Variants in NFIB observed in about 807,000 individuals in gnomAD.
NFIB encodes nuclear factor 1 B-type.
A neutral mutation model predicts 61.5 loss-of-function variants in NFIB; 11 were observed. The observed-to-expected ratio is 0.18, with a 90% confidence interval of 0.11 to 0.30. The LOEUF is 0.30. NFIB is among the 10% of genes least tolerant of loss of function. The pLI is 1.00. For synonymous variants in NFIB, 260 were observed against 216.5 expected (o/e 1.20, Z -1.76); for missense variants, 471 against 608.9 (o/e 0.77, Z 2.38).
chr9:14,207,777 C>T (rs186828710), intron 2 of NFIB, among the ~76,000 whole-genome samples: 1 of 152,092 alleles, frequency 6.6e-6, no homozygotes, highest in Non-Finnish European at 1.5e-5. Flanking sequence ...CTGTACTTAA[C>T]CAGAGTTCAA....
chr9:14,419,455 C>G, the NFIB span, among the ~76,000 whole-genome samples: 1 of 152,306 alleles, frequency 6.6e-6, no homozygotes, highest in Admixed American at 6.5e-5. Flanking sequence ...GGGCCCACTT[C>G]ACCGGCATGT....
chr9:14,124,610 A>C (rs969881637), intron 7 of NFIB, among the ~76,000 whole-genome samples: 5 of 152,234 alleles, frequency 3.3e-5, no homozygotes, highest in Non-Finnish European at 5.9e-5. Context: ...AACCAATAAC[A>C]GTTTCACTAT....
chr9:14,271,022 C>A (rs751225820), intron 2 of NFIB, among the ~76,000 whole-genome samples: 1 of 151,988 alleles, frequency 6.6e-6, no homozygotes, highest in Non-Finnish European at 1.5e-5. Context: ...TCTCCTCCAC[C>A]CCCATCCCCA....
At chr9:14,234,666 C>T (rs1001053614) in intron 2 of NFIB, among the ~76,000 whole-genome samples, 12 of 151,574 alleles carry the variant, frequency 7.9e-5, no homozygotes, top group Admixed American at 7.9e-4. Context: ...TTGGTCTACT[C>T]TTTTTTTTAA....
At chr9:14,299,386 G>A (rs935532657) in intron 2 of NFIB, among the ~76,000 whole-genome samples, 1 of 152,150 alleles carries the variant, frequency 6.6e-6, no homozygotes, top group Non-Finnish European at 1.5e-5. Flanking sequence ...TATGAGAGAT[G>A]TGTACTTCAA....
At chr9:14,106,332 C>G (rs924225929) in intron 10 of NFIB, among the ~76,000 whole-genome samples, 2 of 151,934 alleles carry the variant, frequency 1.3e-5, no homozygotes, top group African/African-American at 4.8e-5. Flanking sequence ...TATGCACATA[C>G]CAATATGAAA....
At chr9:14,155,755 T>G in intron 4 of NFIB, 70 bp downstream of exon 4, 1 of 959,690 alleles carries the variant, frequency 1.0e-6, no homozygotes, top group South Asian at 1.7e-5. Flanking sequence ...TATACTACAT[T>G]TAAGGTTCAA....
chr9:14,207,552 C>T (rs527365077), intron 2 of NFIB, among the ~76,000 whole-genome samples: 5 of 152,186 alleles, frequency 3.3e-5, no homozygotes, highest in South Asian at 2.1e-4. Context: ...AGGGCCAGCT[C>T]GGCATGAGCA....
chr9:14,445,628 T>C, the NFIB span, among the ~76,000 whole-genome samples: 40 of 152,184 alleles, frequency 2.6e-4, no homozygotes, highest in Admixed American at 2.6e-3. Context: ...AATTTACAAG[T>C]TTTAATTTTC....
chr9:14,186,230 G>A (rs903646379), intron 2 of NFIB, among the ~76,000 whole-genome samples: 1 of 152,126 alleles, frequency 6.6e-6, no homozygotes. Context: ...AGGAGTAAAT[G>A]AAACCCACAA....
chr9:14,451,529 A>AAAAAC, the NFIB span, among the ~76,000 whole-genome samples: 4 of 152,344 alleles, frequency 2.6e-5, no homozygotes, highest in African/African-American at 9.6e-5. Flanking sequence ...AAGCACTTAA[A>AAAAAC]AAAACAAAAC....
chr9:14,214,337 T>C (rs1209068568), intron 2 of NFIB, among the ~76,000 whole-genome samples: 1 of 152,194 alleles, frequency 6.6e-6, no homozygotes, highest in Non-Finnish European at 1.5e-5. Context: ...ACTTACGTGG[T>C]CCCCATGCTT....
the NFIB span, among the ~76,000 whole-genome samples, chr9:14,459,498 A>G: frequency 2.0e-5 from 3 of 152,224 alleles, no homozygotes; most frequent in African/African-American, 7.2e-5. Flanking sequence ...AATGGCAACA[A>G]AAGCCAAAAT....
intron 2 of NFIB, among the ~76,000 whole-genome samples, chr9:14,273,260 T>G (rs1357351714): frequency 6.6e-6 from 1 of 152,188 alleles, no homozygotes. Context: ...GTGTATTATC[T>G]GTGTAACTCT....
At chr9:14,116,719 C>T (rs1378994196) in intron 8 of NFIB, among the ~76,000 whole-genome samples, 1 of 152,230 alleles carries the variant, frequency 6.6e-6, no homozygotes, top group Non-Finnish European at 1.5e-5. Flanking sequence ...GAACCCAATG[C>T]TTCCTTATTC....
chr9:14,146,420 C>T (rs988915187), intron 6 of NFIB, among the ~76,000 whole-genome samples: 5 of 151,892 alleles, frequency 3.3e-5, no homozygotes, highest in African/African-American at 1.2e-4. Context: ...TGTAGACAGA[C>T]CATAATCAGT....
intron 1 of NFIB, among the ~76,000 whole-genome samples, chr9:14,338,008 C>T (rs1323983154): frequency 6.6e-6 from 1 of 152,148 alleles, no homozygotes; most frequent in African/African-American, 2.4e-5. Context: ...CTCTGTTCCT[C>T]GGTGTTGATT....
chr9:14,237,766 G>A (rs13299315), intron 2 of NFIB, among the ~76,000 whole-genome samples: 96 of 13,780 alleles, frequency 7.0e-3, no homozygotes, highest in Non-Finnish European at 0.018. Context: ...GTATAACAGT[G>A]TGTGTGTGTG....
intron 2 of NFIB, among the ~76,000 whole-genome samples, chr9:14,188,791 C>A (rs1159151923): frequency 6.6e-6 from 1 of 152,128 alleles, no homozygotes; most frequent in African/African-American, 2.4e-5. Flanking sequence ...TGGATTTCAG[C>A]TATACTATGT....
Sources: allele counts gnomAD v4.1 joint callset (sites outside exome capture counted in the v4.1 genomes callset), GRCh38; gene constraint gnomAD v4.1.1; transcripts MANE v1.5; gene names NCBI Gene and HGNC (gene_info 2026-07-23, HGNC 2026-07-21).